TRRAP: variants seen among roughly 807,000 people sequenced by gnomAD.
TRRAP encodes transformation/transcription domain associated protein.
A neutral mutation model predicts 438.8 loss-of-function variants in TRRAP; 41 were observed. The observed-to-expected ratio is 0.09, with a 90% CI of 0.07 to 0.12. TRRAP has a LOEUF of 0.12. Among genes scored for constraint, TRRAP ranks in the 10% least tolerant of loss-of-function variants. The probability of loss-of-function intolerance (pLI) is 1.00; values close to 1 mark genes in which losing one functional copy is unlikely to be tolerated. For missense variants in TRRAP, 3,122 were observed against 5,055.1 expected, an observed-to-expected ratio of 0.62 and a Z score of 11.60; for synonymous variants, 1,994 against 1,962.9, an observed-to-expected ratio of 1.02 and a Z score of -0.42.
At chr7:98,900,786 G>A (rs1434914447) in intron 11 of TRRAP, 66 bp downstream of exon 11, 3 of 1,374,876 alleles carry the variant, frequency 2.2e-6, no homozygotes, top group Middle Eastern at 1.9e-4. Context: ...TTCACCTTTT[G>A]TGGGTGTACA....
At position 98,897,073 on chromosome 7, in the gene TRRAP, A is replaced by G. The variant is rs1479434230; in HGVS notation, c.508-668A>G. ...AACGTGGTGAAACCCCGTCTCTACT[A>G]AAAATACAAAAATTAGCCAAGCATG... On this transcript the variant is annotated intron_variant, in intron 7 of 72. Transcript: ENST00000456197. Among the ~76,000 whole-genome samples the G allele has an allele frequency of 5.9e-5, 9 of 152,196 alleles. 1 individual carries two copies. Among genetic ancestry groups the G allele is most frequent in the Admixed American group, 5.9e-4 (9 of 15,284 alleles).
chr7:98,949,894 C>G lies in TRRAP; in HGVS notation c.5135+53C>G, dbSNP rs1335483180. 9.5e-6 allele frequency: 15 copies of G among 1,584,466 alleles called. No individual in the cohort carries two copies. In the South Asian group the frequency reaches 1.6e-4, roughly 17 times the overall value. Reference sequence around the variant, plus strand: ...CGGGACTGGCTCTGTCCCAAAAGCTCAGCCAGAGCCTCCTTCTACTCTGTA... The same window carrying G: ...CGGGACTGGCTCTGTCCCAAAAGCTGAGCCAGAGCCTCCTTCTACTCTGTA... On this transcript the variant is annotated intron_variant, in intron 37 of 72. Transcript: ENST00000456197.
chr7:98,950,030 TA>T lies in TRRAP; in HGVS notation c.5136-32del, dbSNP rs1365790775. ...GCGTAGTTGTTAATGAAATTTGCTCTAAGTTAACCTGTCTTCTTCTTTTGAC... is the reference window on the plus strand; with the variant it reads ...GCGTAGTTGTTAATGAAATTTGCTCTAGTTAACCTGTCTTCTTCTTTTGAC... On this transcript the variant is annotated intron_variant, in intron 37 of 72. Transcript: ENST00000456197. 3 of 1,611,558 alleles carry T rather than the reference TA, an allele frequency of 1.9e-6. No homozygotes were observed. The African/African-American group carries it at 4.0e-5, about 22-fold the overall frequency.
intron 31 of TRRAP, 122 bp downstream of exon 31, chr7:98,943,139 T>G: frequency 3.2e-6 from 3 of 947,008 alleles, no homozygotes. Context: ...TTGTAGTCCT[T>G]GTAAATTGTT....
intron 33 of TRRAP, among the ~76,000 whole-genome samples, chr7:98,947,481 G>C (rs2116599198): frequency 6.6e-6 from 1 of 150,506 alleles, no homozygotes; most frequent in South Asian, 2.1e-4. Flanking sequence ...TTTGAGACCG[G>C]GTCTCATTCT....
chr7:98,927,471 G>C, intron 23 of TRRAP, 105 bp downstream of exon 23: 1 of 1,397,600 alleles, frequency 7.2e-7, no homozygotes, highest in South Asian at 1.4e-5. Flanking sequence ...AGCTGAGTTT[G>C]GCTGATTGAT....
At chr7:98,997,319 C>T (rs1386367070) in intron 67 of TRRAP, among the ~76,000 whole-genome samples, 2 of 151,648 alleles carry the variant, frequency 1.3e-5, no homozygotes, top group Non-Finnish European at 2.9e-5. Flanking sequence ...AGAATATGTT[C>T]TCAAGCTGCA....
chr7:98,939,745 T>TC (rs1396201317), intron 30 of TRRAP, among the ~76,000 whole-genome samples: 1 of 152,264 alleles, frequency 6.6e-6, no homozygotes, highest in Non-Finnish European at 1.5e-5. Context: ...TGAGGTGCTT[T>TC]CACACATGAG....
chr7:98,953,227 T>G lies in TRRAP; in HGVS notation c.5524T>G (p.Tyr1842Asp). ...LDSLRIYLLQ[Y>D]ATLLVEHAPH... ...CTCGCTGCGGATCTACCTGCTGCAG[T>G]ACGCCACGCTGCTGGTGGAGCACGC... Residue 1842 changes from tyrosine to aspartate, a missense_variant, in exon 40 of 73, where the codon TAC becomes GAC. Tyr to Asp is a radical substitution (Grantham distance 160). Transcript: ENST00000456197. 6.2e-7 allele frequency: 1 copy of G among 1,613,002 alleles called. No homozygotes were observed. Among genetic ancestry groups the G allele is most frequent in the Non-Finnish European group, 8.5e-7 (1 of 1,179,890 alleles).
Position 98,994,576 on chromosome 7 carries a change from T to C in TRRAP, c.10048-11T>C. 6.2e-7 allele frequency: 1 copy of C among 1,613,752 alleles called. No homozygotes were observed. The highest frequency in any genetic ancestry group is 8.5e-7 in the Non-Finnish European group (1 of 1,179,800). Reference sequence around the variant, plus strand: ...TGTGTTTGTCAGTTGTCTCTGGCTCTTTTCTACCAGGTTCTCAGGCAGCTC... The same window carrying C: ...TGTGTTTGTCAGTTGTCTCTGGCTCCTTTCTACCAGGTTCTCAGGCAGCTC... On this transcript the variant is annotated splice_polypyrimidine_tract_variant and intron_variant, in intron 66 of 72. Coordinates refer to ENST00000456197, the MANE Select transcript of TRRAP (RefSeq NM_001375524.1). This position sits in a 1 kb window ranked among gnomAD's most constrained non-coding sequence, Gnocchi z 4.8.
intron 47 of TRRAP, among the ~76,000 whole-genome samples, chr7:98,964,181 T>C (rs566659777): frequency 6.6e-6 from 1 of 152,234 alleles, no homozygotes; most frequent in East Asian, 1.9e-4. Flanking sequence ...TCTGTTCTAG[T>C]ATTGGCTTTG....
At position 99,011,297 on chromosome 7, in the gene TRRAP, GC is replaced by G. The variant is rs1794414786; in HGVS notation, c.11143-42del. The G allele has an allele frequency of 1.2e-6, 2 of 1,612,614 alleles. No homozygotes were observed. Among genetic ancestry groups the G allele is most frequent in the Non-Finnish European group, 1.7e-6 (2 of 1,178,664 alleles). Reference sequence around the variant, plus strand: ...AGCCAGATCCTCTCCTCGTGACATCGCCTTTCTGCTGAAGTTCCTAAAGTGT... The same window carrying G: ...AGCCAGATCCTCTCCTCGTGACATCGCTTTCTGCTGAAGTTCCTAAAGTGT... On this transcript the variant is annotated intron_variant, in intron 71 of 72. Coordinates refer to ENST00000456197, the MANE Select transcript of TRRAP (RefSeq NM_001375524.1). The surrounding 1 kb of genome is among the most constrained non-coding windows in gnomAD (Gnocchi z 7.1).
At position 98,961,399 on chromosome 7, in the gene TRRAP, T is replaced by C; in HGVS notation, c.6628T>C (p.Cys2210Arg). Residue 2210 changes from cysteine to arginine, a missense_variant, in exon 46 of 73, where the codon TGT (cysteine) becomes CGT (arginine). Around this residue, in one of 24 missense-constraint regions of TRRAP, gnomAD observed 992 missense variants for 1,281.2 expected, o/e 0.77. Coordinates refer to ENST00000456197, the MANE Select transcript of TRRAP (RefSeq NM_001375524.1). ...GCGTGGAATTGCCGCCTGCATGACATGTGGAAACACCAAGGTGTTGCGAGC... is the reference window on the plus strand; with the variant it reads ...GCGTGGAATTGCCGCCTGCATGACACGTGGAAACACCAAGGTGTTGCGAGC... ...LQRGIAACMT[C>R]GNTKVLRAVH... 2 of 1,614,228 alleles carry C rather than the reference T, an allele frequency of 1.2e-6. No homozygotes were observed. Among genetic ancestry groups the C allele is most frequent in the Non-Finnish European group, 1.7e-6 (2 of 1,180,038 alleles).
At chr7:98,942,333 C>G (rs1358288671) in intron 30 of TRRAP, among the ~76,000 whole-genome samples, 1 of 152,194 alleles carries the variant, frequency 6.6e-6, no homozygotes, top group Non-Finnish European at 1.5e-5. Context: ...CCCACTGCTC[C>G]CCCGCGTGGC....
At chr7:98,932,835 G>A (rs1790383621) in intron 26 of TRRAP, among the ~76,000 whole-genome samples, 1 of 152,000 alleles carries the variant, frequency 6.6e-6, no homozygotes, top group Admixed American at 6.6e-5. Flanking sequence ...TAGCATCTGA[G>A]GATGCAGAAC....
chr7:98,883,219 AT>A (rs1212221084), intron 3 of TRRAP, among the ~76,000 whole-genome samples: 1 of 151,954 alleles, frequency 6.6e-6, no homozygotes, highest in Non-Finnish European at 1.5e-5. Context: ...TCTTCTGAGA[AT>A]TTTTTTATTA....
Position 98,953,144 on chromosome 7 carries a change from T to A in TRRAP, c.5464-23T>A, listed in dbSNP as rs1554418627. 5 of 1,596,998 alleles carry A rather than the reference T, an allele frequency of 3.1e-6. No individual in the cohort carries two copies. The South Asian group carries it at 5.5e-5, about 18-fold the overall frequency. ...AACCCAGTTCACAACTGGAAATGAGTCCTTCCTGCTGTCCCTGCACAGGTC... is the reference window on the plus strand; with the variant it reads ...AACCCAGTTCACAACTGGAAATGAGACCTTCCTGCTGTCCCTGCACAGGTC... On this transcript the variant is annotated intron_variant, in intron 39 of 72. Transcript: ENST00000456197.
chr7:98,932,105 TTTTA>T (rs1395089739), intron 26 of TRRAP, among the ~76,000 whole-genome samples: 21 of 151,348 alleles, frequency 1.4e-4, no homozygotes, highest in African/African-American at 4.1e-4. Flanking sequence ...TTTTTTTAAC[TTTTA>T]TTTATTTATT....
In TRRAP at chr7:98,961,446, C is replaced by A; in HGVS notation, c.6675C>A (p.Arg2225=). 6.2e-7 allele frequency: 1 copy of A among 1,614,252 alleles called. No individual in the cohort carries two copies. The highest frequency in any genetic ancestry group is 8.5e-7 in the Non-Finnish European group (1 of 1,180,046). ...VLRAVHSLLS[R]LMSIFPTEPS... ...GAGCCGTCCACAGCCTTCTCTCGCGCCTGATGAGCATTTTCCCAACAGAGC... is the reference window on the plus strand; with the variant it reads ...GAGCCGTCCACAGCCTTCTCTCGCGACTGATGAGCATTTTCCCAACAGAGC... The change falls in exon 46 of 73, where the codon CGC becomes CGA. Residue 2225 remains arginine, a synonymous_variant. Transcript: ENST00000456197.
Sources: allele counts gnomAD v4.1 joint callset (sites outside exome capture counted in the v4.1 genomes callset), GRCh38; gene constraint gnomAD v4.1.1; regional missense constraint gnomAD v4.1.1; non-coding constraint Gnocchi (gnomAD v3.1); transcripts MANE v1.5; gene names NCBI Gene and HGNC (gene_info 2026-07-23, HGNC 2026-07-21).